ZNFX1: variants seen among roughly 807,000 people sequenced by gnomAD.
The protein encoded by ZNFX1 is zinc finger NFX1-type containing 1.
In ZNFX1, 78 loss-of-function variants were observed where a neutral mutation model predicts 179.8. The observed-to-expected ratio is 0.43, with a 90% CI of 0.36 to 0.52. The LOEUF is 0.52. Ranked by LOEUF, ZNFX1 falls within the 20% of genes least tolerant of loss-of-function variation. The pLI, the probability that ZNFX1 is intolerant of heterozygous loss-of-function variation, is 0.00. For missense variants in ZNFX1, 1,927 were observed against 2,386.6 expected, an observed-to-expected ratio of 0.81 and a Z score of 4.01; for synonymous variants, 848 against 868.5, an observed-to-expected ratio of 0.98 and a Z score of 0.42.
chr20:49,249,784 G>A, intron 13 of ZNFX1, 73 bp from the exon 14 acceptor site: 1 of 1,499,832 alleles, frequency 6.7e-7, no homozygotes, highest in Non-Finnish European at 9.0e-7. Context: ...CTCTTGACAT[G>A]CACTGGCCAC....
At chr20:49,267,401 G>A (rs1981263003) in intron 3 of ZNFX1, among the ~76,000 whole-genome samples, 1 of 152,058 alleles carries the variant, frequency 6.6e-6, no homozygotes, top group Non-Finnish European at 1.5e-5. Flanking sequence ...CTGTTTTCAA[G>A]GGATCCTCCC....
At chr20:49,261,688 C>A (rs1174069667) in intron 6 of ZNFX1, among the ~76,000 whole-genome samples, 2 of 151,288 alleles carry the variant, frequency 1.3e-5, no homozygotes, top group Non-Finnish European at 2.9e-5. Context: ...CTCTGTCGCC[C>A]AGGCTGGAGT....
chr20:49,251,472 T>C lies in ZNFX1; in HGVS notation c.3312+55A>G, dbSNP rs1021257897. 13 of 1,530,294 alleles carry C rather than the reference T, an allele frequency of 8.5e-6. 1 individual carries two copies. Among genetic ancestry groups the C allele is most frequent in the Middle Eastern group, 1.8e-4 (1 of 5,690 alleles). The allele number at this position is 1,530,294 out of a possible 1,614,324, so 94.8% of individuals were successfully genotyped here. On this transcript the variant is annotated intron_variant, in intron 13 of 13. Transcript: ENST00000396105. ...AAGCTTTTTTATCTTGAGGAAATTA[T>C]AGCCTTTTTAGGTTGCTGACACCAT...
Position 49,269,928 on chromosome 20 carries a change from A to G in ZNFX1, c.1870+14T>C. The stretch of plus-strand genomic sequence containing the variant: ...CAAAGCAGATCTTATGTACTCTAAA[A>G]AATTTTGTCTTACCTGTTCCAGGAG... On this transcript the variant is annotated intron_variant, in intron 3 of 13. Transcript: ENST00000396105. 1 of 1,571,914 alleles carries G rather than the reference A, an allele frequency of 6.4e-7. No individual in the cohort carries two copies. The highest frequency in any genetic ancestry group is 2.2e-4 in the Middle Eastern group (1 of 4,512).
At position 49,261,635 on chromosome 20, in the gene ZNFX1, C is replaced by T. The variant is rs535042387; in HGVS notation, c.2302-1058G>A. Reference sequence around the variant, plus strand: ...AATATCTAGGTGATGTACAACAAACCGCCATGACACAAGTTTTTTTTTTTT... The same window carrying T: ...AATATCTAGGTGATGTACAACAAACTGCCATGACACAAGTTTTTTTTTTTT... On this transcript the variant is annotated intron_variant, in intron 6 of 13. Transcript: ENST00000396105. Among the ~76,000 whole-genome samples the T allele has an allele frequency of 1.5e-3, 224 of 150,806 alleles. 1 individual carries two copies. The highest frequency in any genetic ancestry group is 5.2e-3 in the African/African-American group (214 of 40,912).
chr20:49,277,185 C>CTAGT (rs948074677), intron 1 of ZNFX1, among the ~76,000 whole-genome samples: 4 of 151,952 alleles, frequency 2.6e-5, no homozygotes, highest in Admixed American at 2.0e-4. Flanking sequence ...ATGAGAGGGG[C>CTAGT]TAGTCATCAC....
chr20:49,266,904 CT>C (rs1326923346), intron 3 of ZNFX1, among the ~76,000 whole-genome samples: 1 of 152,036 alleles, frequency 6.6e-6, no homozygotes, highest in Non-Finnish European at 1.5e-5. Context: ...TAAATTCTCT[CT>C]TTTTGTTTGA....
At chr20:49,266,364 T>C in intron 3 of ZNFX1, 98 bp from the exon 4 acceptor site, 1 of 1,123,394 alleles carries the variant, frequency 8.9e-7, no homozygotes. Context: ...TATAATACAT[T>C]AAGATAGTTT....
At chr20:49,261,617 AGGT>A (rs2146735748) in intron 6 of ZNFX1, among the ~76,000 whole-genome samples, 1 of 151,434 alleles carries the variant, frequency 6.6e-6, no homozygotes, top group African/African-American at 2.4e-5. Flanking sequence ...CTTAATATCT[AGGT>A]GATGTACAAC....
chr20:49,256,068 CT>C, intron 8 of ZNFX1, 121 bp from the exon 9 acceptor site: 2 of 1,233,974 alleles, frequency 1.6e-6, no homozygotes, highest in Non-Finnish European at 2.2e-6. Context: ...TGTCAAGTGT[CT>C]TACATTCTCC....
chr20:49,268,344 T>C (rs1267820195), intron 3 of ZNFX1, among the ~76,000 whole-genome samples: 1 of 152,176 alleles, frequency 6.6e-6, no homozygotes, highest in Non-Finnish European at 1.5e-5. Flanking sequence ...AAAGCAGAAA[T>C]CACACATCTC....
At chr20:49,275,660 G>T in intron 2 of ZNFX1, 119 bp downstream of exon 2, 2 of 976,348 alleles carry the variant, frequency 2.0e-6, no homozygotes, top group Non-Finnish European at 3.1e-6. Context: ...TCCAGCCATA[G>T]TCATTCTTTA....
intron 11 of ZNFX1, 27 bp from the exon 12 acceptor site, chr20:49,252,857 T>G: frequency 1.9e-6 from 3 of 1,553,838 alleles, no homozygotes; most frequent in Non-Finnish European, 2.7e-6. Context: ...GGCTGAGGAT[T>G]CTCTACTGAT....
At chr20:49,249,751 A>C in intron 13 of ZNFX1, 40 bp from the exon 14 acceptor site, 1 of 1,564,964 alleles carries the variant, frequency 6.4e-7, no homozygotes, top group Non-Finnish European at 8.7e-7. Context: ...AGGTTCACTC[A>C]TGGCACTTGT....
In ZNFX1 at chr20:49,270,460, C is replaced by A; in HGVS notation, c.1352G>T (p.Gly451Val). ...RWQNSKRLLY[G>V]SLVCMSKDNF... ...GTCCTTGGACATGCATACCAAAGAC[C>A]CATAGAGCAATCGTTTGGAATTCTG... Residue 451 changes from glycine (G) to valine (V), a missense_variant, in exon 3 of 14, where the codon GGG becomes GTG. Coordinates refer to ENST00000396105, the MANE Select transcript of ZNFX1 (RefSeq NM_021035.3). This position sits in a 1 kb window ranked among gnomAD's most constrained non-coding sequence, Gnocchi z 4.6. 1 of 1,614,142 alleles carries A rather than the reference C, an allele frequency of 6.2e-7. No homozygotes were observed. The highest frequency in any genetic ancestry group is 8.5e-7 in the Non-Finnish European group (1 of 1,180,034).
intron 10 of ZNFX1, among the ~76,000 whole-genome samples, chr20:49,254,148 T>G (rs1600986790): frequency 6.6e-6 from 1 of 152,000 alleles, no homozygotes; most frequent in Non-Finnish European, 1.5e-5. Flanking sequence ...TGCCCCAGCC[T>G]CCCGAGTAGC....
At chr20:49,253,234 T>G (rs1455064580) in intron 11 of ZNFX1, among the ~76,000 whole-genome samples, 2 of 152,154 alleles carry the variant, frequency 1.3e-5, no homozygotes, top group Non-Finnish European at 1.5e-5. Flanking sequence ...GTGGGCCACT[T>G]TAAGAAGCTT....
In ZNFX1 at chr20:49,247,012, G is replaced by T; in HGVS notation, c.*255C>A. ...GCCTCCCAAGTAGCTGGGATTACAG[G>T]CGCCCGCCATAACGCCCAGCTAATT... On this transcript the variant is annotated 3_prime_UTR_variant, in exon 14 of 14. Coordinates refer to ENST00000396105, the MANE Select transcript of ZNFX1 (RefSeq NM_021035.3). 2 of 456,304 alleles carry T rather than the reference G, an allele frequency of 4.4e-6. No individual in the cohort carries two copies. The highest frequency in any genetic ancestry group is 4.1e-5 in the South Asian group (2 of 48,880). 28.3% of individuals were successfully genotyped at this position (456,304 alleles called of 1,614,324 possible). A position where few individuals can be genotyped will look rare whatever the true frequency, so the allele number is the denominator to read the frequency against.
At chr20:49,251,918 CT>C (rs1980848120) in intron 12 of ZNFX1, among the ~76,000 whole-genome samples, 1 of 151,326 alleles carries the variant, frequency 6.6e-6, no homozygotes, top group African/African-American at 2.4e-5. Context: ...CAACCTCTGC[CT>C]CCCAGGTTCT....
Sources: allele counts gnomAD v4.1 joint callset (sites outside exome capture counted in the v4.1 genomes callset), GRCh38; gene constraint gnomAD v4.1.1; non-coding constraint Gnocchi (gnomAD v3.1); transcripts MANE v1.5; gene names NCBI Gene and HGNC (gene_info 2026-07-23, HGNC 2026-07-21).